MATCAP2: variants seen among roughly 807,000 people sequenced by gnomAD.
MATCAP2 encodes putative tyrosine carboxypeptidase MATCAP2.
chr7:36,340,084 G>A, the MATCAP2 span, among the ~76,000 whole-genome samples: 14 of 152,090 alleles, frequency 9.2e-5, 1 homozygote, highest in African/African-American at 7.2e-5. Flanking sequence ...GGCTGGTCTC[G>A]AACTCCTGGC....
At chr7:36,356,846 CAG>C in the MATCAP2 span, 1 of 1,364,638 alleles carries the variant, frequency 7.3e-7, no homozygotes, top group Non-Finnish European at 1.0e-6. Context: ...TATAAGATCA[CAG>C]ATAATTGTTT....
At chr7:36,374,379 C>A in the MATCAP2 span, among the ~76,000 whole-genome samples, 2 of 152,048 alleles carry the variant, frequency 1.3e-5, no homozygotes, top group African/African-American at 4.8e-5. Context: ...TGCACCTGGC[C>A]CACTGGAGGA....
At chr7:36,353,100 C>T in the MATCAP2 span, among the ~76,000 whole-genome samples, 1 of 152,044 alleles carries the variant, frequency 6.6e-6, no homozygotes, top group Non-Finnish European at 1.5e-5. Context: ...GAGACCCCCC[C>T]ACCTATCCAA....
the MATCAP2 span, among the ~76,000 whole-genome samples, chr7:36,330,386 A>T: frequency 6.6e-5 from 10 of 152,256 alleles, no homozygotes; most frequent in East Asian, 1.9e-3. Flanking sequence ...GGCGTGAGCC[A>T]CCCTGCCCAG....
At chr7:36,382,842 A>T in the MATCAP2 span, among the ~76,000 whole-genome samples, 1 of 152,224 alleles carries the variant, frequency 6.6e-6, no homozygotes, top group South Asian at 2.1e-4. Context: ...TTACCAATAT[A>T]AAAAGTATAG....
chr7:36,381,419 C>A, the MATCAP2 span, among the ~76,000 whole-genome samples: 1,022 of 152,084 alleles, frequency 6.7e-3, 8 homozygotes, highest in African/African-American at 0.024. Flanking sequence ...GCCTGTAATC[C>A]CATCACTTTG....
chr7:36,333,573 A>C, the MATCAP2 span, among the ~76,000 whole-genome samples: 1 of 151,510 alleles, frequency 6.6e-6, no homozygotes, highest in Non-Finnish European at 1.5e-5. Flanking sequence ...AAGCAAAAAA[A>C]GCAAAAAAAG....
the MATCAP2 span, among the ~76,000 whole-genome samples, chr7:36,371,737 A>G: frequency 6.6e-6 from 1 of 152,052 alleles, no homozygotes; most frequent in Non-Finnish European, 1.5e-5. Context: ...GAAGAAAAGT[A>G]TATTATTTCA....
the MATCAP2 span, among the ~76,000 whole-genome samples, chr7:36,372,286 C>T: frequency 2.6e-5 from 4 of 151,958 alleles, 1 homozygote; most frequent in South Asian, 6.2e-4. Flanking sequence ...CGCCTCAGGG[C>T]AAACTGTGAA....
At chr7:36,333,121 C>T in the MATCAP2 span, among the ~76,000 whole-genome samples, 3 of 152,318 alleles carry the variant, frequency 2.0e-5, no homozygotes, top group South Asian at 6.2e-4. Flanking sequence ...GCTCTGAAGA[C>T]AGCAGCGGAT....
chr7:36,336,058 G>A, the MATCAP2 span: 66 of 927,472 alleles, frequency 7.1e-5, no homozygotes, highest in Non-Finnish European at 6.8e-5. Context: ...GCAACAGAGC[G>A]AGACTCCATT....
the MATCAP2 span, chr7:36,334,064 C>T: frequency 1.2e-6 from 2 of 1,614,116 alleles, no homozygotes; most frequent in Non-Finnish European, 1.7e-6. Flanking sequence ...CTAGTCCTTC[C>T]TCTGTGGGAT....
the MATCAP2 span, chr7:36,335,107 C>CA: frequency 1.2e-6 from 2 of 1,613,996 alleles, no homozygotes; most frequent in Non-Finnish European, 1.7e-6. Context: ...CATTGATAGT[C>CA]AGAGTCGGAC....
chr7:36,373,336 G>C, the MATCAP2 span, among the ~76,000 whole-genome samples: 1 of 152,154 alleles, frequency 6.6e-6, no homozygotes, highest in Non-Finnish European at 1.5e-5. Context: ...AGGTAACTTG[G>C]AGTGATCAGG....
the MATCAP2 span, among the ~76,000 whole-genome samples, chr7:36,381,214 G>A: frequency 2.0e-5 from 3 of 152,186 alleles, no homozygotes; most frequent in Non-Finnish European, 4.4e-5. Flanking sequence ...AAGAGATAAG[G>A]AGGCAAGATT....
At chr7:36,331,724 G>A in the MATCAP2 span, among the ~76,000 whole-genome samples, 8 of 152,164 alleles carry the variant, frequency 5.3e-5, no homozygotes, top group Non-Finnish European at 1.2e-4. Context: ...GAATCTGAAC[G>A]TAGTTAGAAA....
At chr7:36,351,776 G>A in the MATCAP2 span, among the ~76,000 whole-genome samples, 1 of 151,556 alleles carries the variant, frequency 6.6e-6, no homozygotes, top group African/African-American at 2.4e-5. Context: ...GCAAAATCCT[G>A]TTTGTACAAA....
the MATCAP2 span, chr7:36,366,996 C>G: frequency 7.6e-7 from 1 of 1,315,878 alleles, no homozygotes; most frequent in Non-Finnish European, 9.6e-7. Flanking sequence ...AAGGGCCGCG[C>G]AGGGGCGGGC....
chr7:36,357,636 C>T, the MATCAP2 span: 2 of 1,389,048 alleles, frequency 1.4e-6, no homozygotes, highest in Non-Finnish European at 2.0e-6. Flanking sequence ...ACAAAGATAC[C>T]AGATGAAGCA....
Sources: gnomAD v4.1 joint callset for allele counts (sites outside exome capture counted in the v4.1 genomes callset) on GRCh38, gnomAD v4.1.1 for gene constraint, MANE v1.5 for transcripts, NCBI Gene and HGNC (gene_info 2026-07-23, HGNC 2026-07-21) for gene names.